The following MYBL1 variants were observed in gnomAD, a reference collection of about 807,000 sequenced individuals.
MYBL1 encodes MYB proto-oncogene like 1.
A neutral mutation model predicts 96.3 loss-of-function variants in MYBL1; 17 were observed. The observed-to-expected ratio is 0.18, with a 90% CI of 0.12 to 0.26. The LOEUF (loss-of-function observed/expected upper bound fraction) is 0.26. MYBL1 is among the 10% of genes least tolerant of loss of function. The pLI is 1.00. For synonymous variants in MYBL1, 282 were observed against 292.7 expected, an observed-to-expected ratio of 0.96 and a Z score of 0.37; for missense variants, 701 against 882.9, an observed-to-expected ratio of 0.79 and a Z score of 2.61.
intron 4 of MYBL1, 141 bp from the exon 5 acceptor site, chr8:66,597,691 C>T (rs986059915): frequency 5.0e-6 from 3 of 599,992 alleles, no homozygotes; most frequent in East Asian, 5.8e-5. Context: ...CAATAAATAC[C>T]CCTTTAGCAT....
rs760351955 is a variant in MYBL1, at chr8:66,566,694, G to A, written c.1940C>T (p.Ser647Leu). ...SGTQLLTEDI[S>L]DMQSENRFTT... ...TAATCCTTTACAAACCTGCATGTCTGAAATGTCTTCAGTCAACAGTTGAGT... is the reference window on the plus strand; with the variant it reads ...TAATCCTTTACAAACCTGCATGTCTAAAATGTCTTCAGTCAACAGTTGAGT... The change falls in exon 14 of 16, where the codon TCA (serine) becomes TTA (leucine). Residue 647 changes from serine to leucine, a missense_variant. Coordinates refer to ENST00000522677, the MANE Select transcript of MYBL1 (RefSeq NM_001080416.4). 1.3e-5 allele frequency: 21 copies of A among 1,593,568 alleles called. No homozygotes were observed. The highest frequency in any genetic ancestry group is 1.8e-5 in the Non-Finnish European group (21 of 1,164,128).
chr8:66,602,380 T>C (rs938879906), intron 2 of MYBL1, 38 bp downstream of exon 2: 1 of 1,435,830 alleles, frequency 7.0e-7, no homozygotes, highest in African/African-American at 1.4e-5. Context: ...AACCAATAAA[T>C]ACATGTAAGA....
intron 3 of MYBL1, among the ~76,000 whole-genome samples, chr8:66,599,930 G>A (rs1810002686): frequency 6.6e-6 from 1 of 152,166 alleles, no homozygotes; most frequent in Admixed American, 6.5e-5. Flanking sequence ...TCAAAAGGAT[G>A]TTATAAATTA....
intron 12 of MYBL1, among the ~76,000 whole-genome samples, chr8:66,569,357 T>G (rs917778694): frequency 1.3e-5 from 2 of 151,460 alleles, no homozygotes; most frequent in Non-Finnish European, 2.9e-5. Context: ...TTTTTTTCCT[T>G]AATTTTTTTT....
In MYBL1 at chr8:66,608,444, T is replaced by C. The variant is rs1270087540; in HGVS notation, c.20+4375A>G. Among the ~76,000 whole-genome samples the C allele has an allele frequency of 3.9e-5, 6 of 152,178 alleles. No individual in the cohort carries two copies. In the East Asian group the frequency reaches 9.6e-4, roughly 24 times the overall value. On this transcript the variant is annotated intron_variant, in intron 1 of 15. Transcript: ENST00000522677. Reference sequence around the variant, plus strand: ...TATAGCATCAAGTTATCTCTACATATATATGAGTATTGAAAAGACAATGTT... The same window carrying C: ...TATAGCATCAAGTTATCTCTACATACATATGAGTATTGAAAAGACAATGTT...
At chr8:66,597,864 A>C (rs1363508305) in intron 4 of MYBL1, among the ~76,000 whole-genome samples, 2 of 150,808 alleles carry the variant, frequency 1.3e-5, no homozygotes, top group Non-Finnish European at 3.0e-5. Flanking sequence ...AAAAAAAAAA[A>C]AAAAAAAAAC....
chr8:66,591,131 G>A (rs566406912), intron 8 of MYBL1, among the ~76,000 whole-genome samples: 4 of 152,124 alleles, frequency 2.6e-5, no homozygotes, highest in East Asian at 1.9e-4. Flanking sequence ...GGAGGATCAC[G>A]AGGTCAGGAG....
At chr8:66,593,368 C>T (rs1012013999) in intron 6 of MYBL1, among the ~76,000 whole-genome samples, 174 bp from the exon 7 acceptor site, 2 of 152,164 alleles carry the variant, frequency 1.3e-5, no homozygotes, top group Non-Finnish European at 2.9e-5. Context: ...ATAACTACAG[C>T]TCCACTCCTA....
intron 1 of MYBL1, among the ~76,000 whole-genome samples, chr8:66,606,674 T>G (rs1810323775): frequency 6.6e-6 from 1 of 152,150 alleles, no homozygotes; most frequent in African/African-American, 2.4e-5. Context: ...ATTCTCCCAT[T>G]CCCCTATGAT....
intron 1 of MYBL1, among the ~76,000 whole-genome samples, chr8:66,603,109 T>C (rs1810172844): frequency 6.6e-6 from 1 of 152,104 alleles, no homozygotes; most frequent in Non-Finnish European, 1.5e-5. Flanking sequence ...GGAAAAATCA[T>C]AACCTTGTAC....
At chr8:66,589,766 G>A (rs1276123180) in intron 8 of MYBL1, among the ~76,000 whole-genome samples, 1 of 152,118 alleles carries the variant, frequency 6.6e-6, no homozygotes, top group Non-Finnish European at 1.5e-5. Flanking sequence ...TTACAGGCAT[G>A]AGCCACCAAG....
chr8:66,565,342 TGTTA>T (rs1190865511), intron 15 of MYBL1: 1 of 152,266 alleles, frequency 6.6e-6, no homozygotes, highest in Non-Finnish European at 1.5e-5. Flanking sequence ...AAAAGTTCTA[TGTTA>T]ATTAAACGCC....
intron 12 of MYBL1, among the ~76,000 whole-genome samples, chr8:66,569,353 T>TC (rs1808640646): frequency 1.3e-5 from 2 of 151,500 alleles, no homozygotes; most frequent in African/African-American, 2.4e-5. Flanking sequence ...TTTTTTTTTT[T>TC]CCTTAATTTT....
intron 3 of MYBL1, among the ~76,000 whole-genome samples, chr8:66,601,110 G>A (rs143072062): frequency 0.017 from 2,473 of 148,064 alleles, 70 homozygotes; most frequent in African/African-American, 0.056. Context: ...CTGGGAGGCG[G>A]AGGTTGCAGT....
chr8:66,584,261 C>T (rs1809326216), intron 8 of MYBL1, among the ~76,000 whole-genome samples: 1 of 152,138 alleles, frequency 6.6e-6, no homozygotes, highest in African/African-American at 2.4e-5. Flanking sequence ...CCACAGCCAA[C>T]ATCATACTGA....
rs990404716 is a variant in MYBL1 at position 66,571,723 on chromosome 8, A to T, written c.1728+759T>A. Among the ~76,000 whole-genome samples the T allele has an allele frequency of 5.3e-5, 8 of 152,020 alleles. No individual in the cohort carries two copies. In the South Asian group the frequency reaches 1.0e-3, roughly 20 times the overall value. ...TGGTGAAACCCCATTTCTACTAAAA[A>T]TACAAAAATTAGCTGGGCGTGGTGG... is the stretch of plus-strand genomic sequence containing the variant. On this transcript the variant is annotated intron_variant, in intron 12 of 15. Transcript: ENST00000522677.
intron 3 of MYBL1, 37 bp downstream of exon 3, chr8:66,601,661 C>T (rs1475803479): frequency 5.8e-6 from 7 of 1,203,094 alleles, no homozygotes; most frequent in Non-Finnish European, 3.5e-6. Context: ...TGCCTTAAAC[C>T]AGCCATGTTA....
At chr8:66,610,951 C>G (rs1473602734) in intron 1 of MYBL1, among the ~76,000 whole-genome samples, 3 of 152,140 alleles carry the variant, frequency 2.0e-5, no homozygotes, top group Admixed American at 2.0e-4. Context: ...TTAACTTACA[C>G]AACTGTCAAG....
At chr8:66,580,439 T>G in intron 8 of MYBL1, 73 bp from the exon 9 acceptor site, 1 of 1,005,232 alleles carries the variant, frequency 9.9e-7, no homozygotes, top group Non-Finnish European at 1.5e-6. Context: ...TTCAACACAT[T>G]TCAATTAGGC....
Sources: allele counts gnomAD v4.1 joint callset (sites outside exome capture counted in the v4.1 genomes callset), GRCh38; gene constraint gnomAD v4.1.1; transcripts MANE v1.5; gene names NCBI Gene and HGNC (gene_info 2026-07-23, HGNC 2026-07-21).